Variants in PTGFRN observed in about 807,000 individuals in gnomAD.
PTGFRN encodes prostaglandin F2 receptor negative regulator.
PTGFRN carries 35 observed loss-of-function variants against 83.2 expected under a neutral mutation model. The ratio of observed to expected loss-of-function variants is 0.42; its 90% CI spans 0.32 to 0.56. PTGFRN has a LOEUF of 0.56. Among genes scored for constraint, PTGFRN ranks in the 20% least tolerant of loss-of-function variants. The probability of loss-of-function intolerance (pLI) is 0.11; values close to 1 mark genes in which losing one functional copy is unlikely to be tolerated. For synonymous variants in PTGFRN, 519 were observed against 498.6 expected (o/e 1.04, Z -0.55); for missense variants, 1,051 against 1,179.5 (o/e 0.89, Z 1.60).
intron 1 of PTGFRN, among the ~76,000 whole-genome samples, chr1:116,922,243 T>C (rs933508743): frequency 2.0e-5 from 3 of 152,146 alleles, no homozygotes; most frequent in Admixed American, 6.5e-5. Flanking sequence ...TTTTTGGTTG[T>C]TTCTTATAAG....
At chr1:116,945,169 G>GC in intron 3 of PTGFRN, 77 bp downstream of exon 3, 5 of 1,499,736 alleles carry the variant, frequency 3.3e-6, no homozygotes, top group Non-Finnish European at 4.4e-6. Context: ...GGGCCAGGGA[G>GC]CCCCATGGCC....
In PTGFRN at chr1:116,988,255, T is replaced by G. The variant is rs1453448650; in HGVS notation, c.*1288T>G. The G allele has an allele frequency of 6.6e-6, 1 of 152,264 alleles. No individual in the cohort carries two copies. Among genetic ancestry groups the G allele is most frequent in the Admixed American group, 6.5e-5 (1 of 15,286 alleles). The allele number at this position is 152,264 out of a possible 1,614,324, so 9.4% of individuals were successfully genotyped here. A position where few individuals can be genotyped will look rare whatever the true frequency, so the allele number is the denominator to read the frequency against. On this transcript the variant is annotated 3_prime_UTR_variant, in exon 9 of 9. Transcript: ENST00000393203. ...AGGGACATGAAGGAAACCCAGCAATTTGCTGTTATGTGAATGGCCTGTAGA... is the reference window on the plus strand; with the variant it reads ...AGGGACATGAAGGAAACCCAGCAATGTGCTGTTATGTGAATGGCCTGTAGA...
chr1:116,974,945 CGCAAGGG>C (rs1485365537), intron 7 of PTGFRN, among the ~76,000 whole-genome samples: 14 of 152,180 alleles, frequency 9.2e-5, no homozygotes, highest in Admixed American at 7.2e-4. Flanking sequence ...ACCCGGGAAG[CGCAAGGG>C]GTTAGGGAAT....
At position 116,961,471 on chromosome 1, in the gene PTGFRN, A is replaced by G. The variant is rs1414524362; in HGVS notation, c.1442A>G (p.Gln481Arg). The G allele has an allele frequency of 5.6e-6, 9 of 1,614,090 alleles. No individual in the cohort carries two copies. Among genetic ancestry groups the G allele is most frequent in the Non-Finnish European group, 7.6e-6 (9 of 1,180,032 alleles). Residue 481 changes from glutamine (Q) to arginine (R), a missense_variant, in exon 5 of 9, where the codon CAG becomes CGG. Physicochemically the swap from Gln to Arg is conservative, Grantham distance 43. Transcript: ENST00000393203. This position sits in a 1 kb window ranked among gnomAD's most constrained non-coding sequence, Gnocchi z 5.4. Reference sequence around the variant, plus strand: ...CTAAAATATGGAGAGAGGAGCAAGCAGCGGGCCCAGGATGGAGACTTTATT... The same window carrying G: ...CTAAAATATGGAGAGAGGAGCAAGCGGCGGGCCCAGGATGGAGACTTTATT... ...WTLKYGERSK[Q>R]RAQDGDFIFS...
chr1:116,913,645 G>A (rs1649328809), intron 1 of PTGFRN, among the ~76,000 whole-genome samples: 1 of 152,150 alleles, frequency 6.6e-6, no homozygotes, highest in African/African-American at 2.4e-5. Flanking sequence ...CTGGGGGCAG[G>A]GGCCACGTTG....
chr1:116,986,446 G>GT (rs967621802), intron 8 of PTGFRN, among the ~76,000 whole-genome samples: 6 of 152,130 alleles, frequency 3.9e-5, no homozygotes, highest in African/African-American at 1.4e-4. Flanking sequence ...TTTATGCATG[G>GT]TTTTTTTAAG....
chr1:116,951,197 C>T (rs777790514), intron 4 of PTGFRN, among the ~76,000 whole-genome samples: 7 of 152,160 alleles, frequency 4.6e-5, no homozygotes, highest in African/African-American at 1.2e-4. Context: ...CCGGCATACC[C>T]GGGGGGAGAT....
At chr1:116,955,653 A>G (rs1369669822) in intron 4 of PTGFRN, among the ~76,000 whole-genome samples, 1 of 152,240 alleles carries the variant, frequency 6.6e-6, no homozygotes, top group Non-Finnish European at 1.5e-5. Flanking sequence ...TGTAGCAGTA[A>G]TCAGTGGTGA....
intron 1 of PTGFRN, among the ~76,000 whole-genome samples, chr1:116,929,461 A>C (rs1331154346): frequency 6.6e-6 from 1 of 152,232 alleles, no homozygotes; most frequent in African/African-American, 2.4e-5. Context: ...TTTCAACCAG[A>C]ATCCAGGGCC....
intron 1 of PTGFRN, among the ~76,000 whole-genome samples, chr1:116,938,344 G>C (rs1649974844): frequency 6.6e-6 from 1 of 152,222 alleles, no homozygotes; most frequent in Non-Finnish European, 1.5e-5. Context: ...ACAAAAGAAA[G>C]AGGTTTAATT....
intron 1 of PTGFRN, among the ~76,000 whole-genome samples, chr1:116,915,798 TCA>T (rs1376839155): frequency 1.2e-4 from 19 of 152,346 alleles, no homozygotes; most frequent in Non-Finnish European, 2.1e-4. Context: ...TCCAGGCAGT[TCA>T]TAGCTGTTTT....
intron 5 of PTGFRN, among the ~76,000 whole-genome samples, chr1:116,966,356 T>C (rs1650830862): frequency 6.6e-6 from 1 of 152,274 alleles, no homozygotes; most frequent in African/African-American, 2.4e-5. Context: ...ACAGTCATTT[T>C]AGCAATACAT....
chr1:116,973,270 A>C (rs1171689562), intron 6 of PTGFRN, among the ~76,000 whole-genome samples: 2 of 152,182 alleles, frequency 1.3e-5, no homozygotes, highest in African/African-American at 4.8e-5. Flanking sequence ...AGCAAAAAGT[A>C]CTGAAAGTTT....
intron 1 of PTGFRN, among the ~76,000 whole-genome samples, chr1:116,929,626 G>T (rs1649743179): frequency 6.6e-6 from 1 of 152,104 alleles, no homozygotes; most frequent in Non-Finnish European, 1.5e-5. Context: ...TCGTCATTCT[G>T]GTCTAAACTC....
Position 116,961,514 on chromosome 1 carries a change from A to T in PTGFRN, c.1485A>T (p.Thr495=), listed in dbSNP as rs1650663388. 6.2e-7 allele frequency: 1 copy of T among 1,614,074 alleles called. No homozygotes were observed. Among genetic ancestry groups the T allele is most frequent in the South Asian group, 1.1e-5 (1 of 91,088 alleles). The change falls in exon 5 of 9, where the codon ACA becomes ACT. Residue 495 remains threonine, a synonymous_variant. Coordinates refer to ENST00000393203, the MANE Select transcript of PTGFRN (RefSeq NM_020440.4). This position sits in a 1 kb window ranked among gnomAD's most constrained non-coding sequence, Gnocchi z 5.4. The part of the protein sequence containing the change: ...DGDFIFSKEH[T]DTFNFRIQRT... ...ACTTTATTTTTTCTAAGGAACATAC[A>T]GACACGTTCAATTTCCGGATCCAAA...
chr1:116,962,802 A>G (rs1468751462), intron 5 of PTGFRN, among the ~76,000 whole-genome samples: 1 of 152,038 alleles, frequency 6.6e-6, no homozygotes, highest in African/African-American at 2.4e-5. Flanking sequence ...GGGGCCAACA[A>G]TCTGTTAATC....
intron 1 of PTGFRN, among the ~76,000 whole-genome samples, chr1:116,939,951 CA>C (rs1650019479): frequency 6.6e-6 from 1 of 152,184 alleles, no homozygotes; most frequent in South Asian, 2.1e-4. Flanking sequence ...CAGTTCCCAA[CA>C]AGTTCCTCAT....
At position 116,941,511 on chromosome 1, in the gene PTGFRN, T is replaced by A. The variant is rs768585431; in HGVS notation, c.50-204T>A. Among the ~76,000 whole-genome samples, 2 of 152,226 alleles carry A rather than the reference T, an allele frequency of 1.3e-5. No homozygotes were observed. The highest frequency in any genetic ancestry group is 2.9e-5 in the Non-Finnish European group (2 of 68,040). ...TGTTGGTCCTGGGAAACTGGTTGTG[T>A]GAGAGATGCTCATTTTGAGGTTGCA... On this transcript the variant is annotated intron_variant, in intron 1 of 8. Coordinates refer to ENST00000393203, the MANE Select transcript of PTGFRN (RefSeq NM_020440.4). This position sits in a 1 kb window ranked among gnomAD's most constrained non-coding sequence, Gnocchi z 5.0.
At chr1:116,936,583 G>C (rs1331983694) in intron 1 of PTGFRN, among the ~76,000 whole-genome samples, 2 of 152,208 alleles carry the variant, frequency 1.3e-5, no homozygotes, top group Admixed American at 6.5e-5. Context: ...CTTACAAGAG[G>C]GTGAAGAGAT....
Sources: gnomAD v4.1 joint callset for allele counts (sites outside exome capture counted in the v4.1 genomes callset) on GRCh38, gnomAD v4.1.1 for gene constraint, Gnocchi (gnomAD v3.1) non-coding constraint, MANE v1.5 for transcripts, NCBI Gene and HGNC (gene_info 2026-07-23, HGNC 2026-07-21) for gene names.